FAM135B: variants seen among roughly 807,000 people sequenced by gnomAD.
FAM135B encodes the protein family with sequence similarity 135 member B, also known as protein FAM135B.
A neutral mutation model predicts 127.7 loss-of-function variants in FAM135B; 43 were observed. That is an observed-to-expected ratio of 0.34 (90% CI 0.26 to 0.43). The LOEUF is 0.43. Ranked by LOEUF, FAM135B falls within the 20% of genes least tolerant of loss-of-function variation. FAM135B has a pLI of 1.00. For synonymous variants in FAM135B, 670 were observed against 665.1 expected (o/e 1.01, Z -0.11); for missense variants, 1,558 against 1,725.6 (o/e 0.90, Z 1.72).
At chr8:138,314,217 C>T (rs2130909687) in intron 2 of FAM135B, among the ~76,000 whole-genome samples, 1 of 152,250 alleles carries the variant, frequency 6.6e-6, no homozygotes, top group South Asian at 2.1e-4. Flanking sequence ...TAAACAGAAA[C>T]ACATAAAACA....
chr8:138,187,779 C>T (rs976649774), intron 9 of FAM135B, among the ~76,000 whole-genome samples: 4 of 152,180 alleles, frequency 2.6e-5, no homozygotes, highest in Non-Finnish European at 5.9e-5. Context: ...TCTTGACAGA[C>T]CTTTAGATAG....
chr8:138,262,374 C>A (rs537396802), intron 4 of FAM135B, among the ~76,000 whole-genome samples: 1 of 152,160 alleles, frequency 6.6e-6, no homozygotes, highest in Admixed American at 6.5e-5. Flanking sequence ...GGCAAAGGCC[C>A]ACGGGAAAAA....
At chr8:138,426,016 C>CAT (rs1563992486) in intron 1 of FAM135B, among the ~76,000 whole-genome samples, 1 of 15,012 alleles carries the variant, frequency 6.7e-5, no homozygotes, top group Non-Finnish European at 1.1e-4. Flanking sequence ...TATATATACA[C>CAT]ACACATACAT....
At chr8:138,303,104 T>C (rs536382630) in intron 3 of FAM135B, among the ~76,000 whole-genome samples, 1 of 152,246 alleles carries the variant, frequency 6.6e-6, no homozygotes. Flanking sequence ...CAAAGGATTA[T>C]AAATCATTCT....
chr8:138,217,428 A>ACTTCT (rs1818631657), intron 7 of FAM135B, among the ~76,000 whole-genome samples: 1 of 114,874 alleles, frequency 8.7e-6, no homozygotes, highest in African/African-American at 3.6e-5. Flanking sequence ...TCTCTGATAT[A>ACTTCT]TTTCTTTTTT....
rs1821046460 is a variant in FAM135B, at chr8:138,243,674, G to T, written c.543-606C>A. 6.6e-6 allele frequency among the ~76,000 whole-genome samples: 1 copy of T among 152,210 alleles called. No homozygotes were observed. Among genetic ancestry groups the T allele is most frequent in the Non-Finnish European group, 1.5e-5 (1 of 68,034 alleles). On this transcript the variant is annotated intron_variant, in intron 6 of 19. Coordinates refer to ENST00000395297, the MANE Select transcript of FAM135B (RefSeq NM_015912.4). This position sits in a 1 kb window ranked among gnomAD's most constrained non-coding sequence, Gnocchi z 7.5. ...CAATCCAAAGATTAATGGACATATT[G>T]TGATGGCAATGATCAATTTCAGGAT... is the stretch of plus-strand genomic sequence containing the variant.
intron 2 of FAM135B, among the ~76,000 whole-genome samples, chr8:138,335,590 C>T (rs1272952048): frequency 6.6e-6 from 1 of 152,108 alleles, no homozygotes; most frequent in Non-Finnish European, 1.5e-5. Context: ...AATACAGGAG[C>T]ACCCAGATTC....
At chr8:138,412,128 T>C (rs895607269) in intron 1 of FAM135B, among the ~76,000 whole-genome samples, 1 of 152,168 alleles carries the variant, frequency 6.6e-6, no homozygotes, top group African/African-American at 2.4e-5. Flanking sequence ...GCCCGCTACC[T>C]GGGTGATGGG....
chr8:138,188,697 G>A (rs998932767), intron 9 of FAM135B, among the ~76,000 whole-genome samples: 5 of 152,144 alleles, frequency 3.3e-5, no homozygotes, highest in Admixed American at 6.5e-5. Context: ...CCTTCCTGCA[G>A]CCCTGCCCAC....
rs781371875 is a variant in FAM135B at position 138,132,545 on chromosome 8, C to T, written c.*48G>A. 1 of 1,503,024 alleles carries T rather than the reference C, an allele frequency of 6.7e-7. No individual in the cohort carries two copies. The highest frequency in any genetic ancestry group is 9.2e-7 in the Non-Finnish European group (1 of 1,081,244). The allele number at this position is 1,503,024 out of a possible 1,614,324, so 93.1% of individuals were successfully genotyped here. ...CTGTAAAAGCAGGTCTCAGCTAAAGCTCTCCACCGATCGTAAGCATTACCA... is the reference window on the plus strand; with the variant it reads ...CTGTAAAAGCAGGTCTCAGCTAAAGTTCTCCACCGATCGTAAGCATTACCA... On this transcript the variant is annotated 3_prime_UTR_variant, in exon 20 of 20. Transcript: ENST00000395297. The surrounding 1 kb of genome is among the most constrained non-coding windows in gnomAD (Gnocchi z 4.5).
intron 1 of FAM135B, among the ~76,000 whole-genome samples, chr8:138,394,115 C>T (rs1336772220): frequency 6.6e-6 from 1 of 152,092 alleles, no homozygotes; most frequent in African/African-American, 2.4e-5. Flanking sequence ...GTTGGGGGTG[C>T]CTGGTCTATT....
At chr8:138,146,354 C>G (rs971471035) in intron 14 of FAM135B, among the ~76,000 whole-genome samples, 3 of 152,104 alleles carry the variant, frequency 2.0e-5, no homozygotes, top group Non-Finnish European at 2.9e-5. Context: ...ACACCACCTC[C>G]CCTTCTTCCA....
At chr8:138,304,241 G>A (rs1243916153) in intron 3 of FAM135B, among the ~76,000 whole-genome samples, 3 of 152,148 alleles carry the variant, frequency 2.0e-5, no homozygotes, top group East Asian at 1.9e-4. Context: ...CCATTTGTTC[G>A]CAGCAAGGGT....
chr8:138,484,711 C>A (rs1374415631), intron 1 of FAM135B, among the ~76,000 whole-genome samples: 1 of 152,036 alleles, frequency 6.6e-6, no homozygotes, highest in African/African-American at 2.4e-5. Flanking sequence ...TCTCCAACAT[C>A]CACATGCTTT....
At chr8:138,451,805 A>T (rs1260809538) in intron 1 of FAM135B, among the ~76,000 whole-genome samples, 1 of 151,594 alleles carries the variant, frequency 6.6e-6, no homozygotes, top group Non-Finnish European at 1.5e-5. Context: ...ATGTCCAAAA[A>T]TATTGGGTAA....
At chr8:138,491,837 C>T (rs1815213403) in intron 1 of FAM135B, among the ~76,000 whole-genome samples, 1 of 152,152 alleles carries the variant, frequency 6.6e-6, no homozygotes, top group Non-Finnish European at 1.5e-5. Flanking sequence ...TAGGGACACC[C>T]AGTGATTACC....
intron 2 of FAM135B, among the ~76,000 whole-genome samples, chr8:138,319,372 G>A (rs112116185): frequency 1.2e-4 from 18 of 152,308 alleles, no homozygotes; most frequent in African/African-American, 4.3e-4. Context: ...CTCCCAAAGT[G>A]CTAGGATTAC....
At chr8:138,189,095 G>T (rs1815867802) in intron 9 of FAM135B, among the ~76,000 whole-genome samples, 1 of 152,152 alleles carries the variant, frequency 6.6e-6, no homozygotes, top group Non-Finnish European at 1.5e-5. Context: ...AAACCAACAG[G>T]CTATACCAAC....
At chr8:138,476,915 T>C (rs1324505663) in intron 1 of FAM135B, among the ~76,000 whole-genome samples, 1 of 152,196 alleles carries the variant, frequency 6.6e-6, no homozygotes, top group Non-Finnish European at 1.5e-5. Flanking sequence ...TGAAGATTCC[T>C]TACTTTGGGT....
Sources: allele counts gnomAD v4.1 joint callset (sites outside exome capture counted in the v4.1 genomes callset), GRCh38; gene constraint gnomAD v4.1.1; non-coding constraint Gnocchi (gnomAD v3.1); transcripts MANE v1.5; gene names NCBI Gene and HGNC (gene_info 2026-07-23, HGNC 2026-07-21).